RALYL: variants seen among roughly 807,000 people sequenced by gnomAD.
RALYL encodes RNA-binding Raly-like protein.
In RALYL, 29 loss-of-function variants were observed where a neutral mutation model predicts 35.1. The ratio of observed to expected loss-of-function variants is 0.83; its 90% CI spans 0.61 to 1.13. The LOEUF (loss-of-function observed/expected upper bound fraction) is 1.13. RALYL is among the 50% of genes most tolerant of loss of function. The pLI is 0.00. For synonymous variants in RALYL, 120 were observed against 127.6 expected (o/e 0.94, Z 0.40); for missense variants, 359 against 360.4 (o/e 1.00, Z 0.03).
At position 84,740,866 on chromosome 8, in the gene RALYL, T is replaced by C. The variant is rs185775929; in HGVS notation, c.257-33713T>C. 2.0e-3 allele frequency among the ~76,000 whole-genome samples: 311 copies of C among 152,080 alleles called. 1 individual carries two copies. The highest frequency in any genetic ancestry group is 7.2e-3 in the African/African-American group (301 of 41,522). On this transcript the variant is annotated intron_variant, in intron 2 of 8. Coordinates refer to ENST00000521268, the MANE Select transcript of RALYL (RefSeq NM_173848.7). ...TTCAGTGATGAAAAGTCCCTGGGAA[T>C]AGGTAATAAGAGGGTTGTGTTCTTA... is the stretch of plus-strand genomic sequence containing the variant.
chr8:84,681,796 T>C (rs1282964535), intron 2 of RALYL, among the ~76,000 whole-genome samples: 1 of 152,210 alleles, frequency 6.6e-6, no homozygotes, highest in South Asian at 2.1e-4. Flanking sequence ...CAGGGACAAT[T>C]TGACTTCCTC....
chr8:84,292,637 C>T (rs774581453), intron 1 of RALYL, among the ~76,000 whole-genome samples: 10 of 152,204 alleles, frequency 6.6e-5, no homozygotes, highest in Middle Eastern at 3.4e-3. Flanking sequence ...ACCAAACTGG[C>T]GACGAGAGTG....
At chr8:84,776,711 C>A (rs1281137341) in intron 3 of RALYL, among the ~76,000 whole-genome samples, 1 of 152,006 alleles carries the variant, frequency 6.6e-6, no homozygotes, top group Non-Finnish European at 1.5e-5. Context: ...TGTTAATTTT[C>A]ATATTTTCTC....
chr8:84,251,397 A>G (rs77931990), intron 1 of RALYL, among the ~76,000 whole-genome samples: 2,890 of 152,234 alleles, frequency 0.019, 42 homozygotes, highest in South Asian at 0.031. Context: ...CAAATAGTAA[A>G]TATGCTGACT....
At chr8:84,680,183 T>TC (rs1835117816) in intron 2 of RALYL, among the ~76,000 whole-genome samples, 3 of 152,166 alleles carry the variant, frequency 2.0e-5, no homozygotes, top group Admixed American at 2.0e-4. Flanking sequence ...CATGAACTCA[T>TC]CTTTTTTATG....
chr8:84,813,352 A>T (rs1469122252), intron 4 of RALYL, among the ~76,000 whole-genome samples: 1 of 152,016 alleles, frequency 6.6e-6, no homozygotes, highest in Non-Finnish European at 1.5e-5. Context: ...CTTGCAGTTG[A>T]TCTGGAGCTA....
chr8:84,279,073 G>A (rs746645926), intron 1 of RALYL, among the ~76,000 whole-genome samples: 1 of 152,132 alleles, frequency 6.6e-6, no homozygotes, highest in Non-Finnish European at 1.5e-5. Flanking sequence ...ACATGGCTGG[G>A]GATGGTGGAA....
chr8:84,571,105 C>T (rs1004133286), intron 2 of RALYL, among the ~76,000 whole-genome samples: 18 of 151,452 alleles, frequency 1.2e-4, no homozygotes, highest in African/African-American at 3.6e-4. Context: ...ATGTAGTTCT[C>T]TTTTTTGTCT....
chr8:84,449,087 T>G (rs919006578), intron 1 of RALYL, among the ~76,000 whole-genome samples: 4 of 151,588 alleles, frequency 2.6e-5, no homozygotes, highest in African/African-American at 9.7e-5. Context: ...TGTTTTTTTT[T>G]TTTTTTTGCT....
In RALYL at chr8:84,804,811, A is replaced by C; in HGVS notation, c.365+9A>C. On this transcript the variant is annotated intron_variant, in intron 4 of 8. Coordinates refer to ENST00000521268, the MANE Select transcript of RALYL (RefSeq NM_173848.7). ...CCTTTCCTGTCTGTTGGGTAAGTAT[A>C]TATTTAAATACTTTAAGTATTAATT... 9.1e-7 allele frequency: 1 copy of C among 1,093,228 alleles called. No individual in the cohort carries two copies. Among genetic ancestry groups the C allele is most frequent in the South Asian group, 2.5e-5 (1 of 39,842 alleles). The allele number at this position is 1,093,228 out of a possible 1,614,324, so 67.7% of individuals were successfully genotyped here.
At chr8:84,716,639 C>T (rs886728815) in intron 2 of RALYL, among the ~76,000 whole-genome samples, 2 of 152,124 alleles carry the variant, frequency 1.3e-5, no homozygotes, top group Non-Finnish European at 2.9e-5. Context: ...TGGGTCCAAA[C>T]TCTCCTAAAG....
At chr8:84,246,243 T>C (rs1829063734) in intron 1 of RALYL, among the ~76,000 whole-genome samples, 1 of 151,986 alleles carries the variant, frequency 6.6e-6, no homozygotes, top group African/African-American at 2.4e-5. Context: ...TTATTACTTT[T>C]CCCCCACTTT....
intron 1 of RALYL, among the ~76,000 whole-genome samples, chr8:84,419,899 T>C (rs1002783420): frequency 6.6e-6 from 1 of 151,896 alleles, no homozygotes. Flanking sequence ...GGCTGCATAG[T>C]ATTCCATGTT....
In RALYL at chr8:84,734,510, GC is replaced by G. The variant is rs1467093114; in HGVS notation, c.257-40068del. On this transcript the variant is annotated intron_variant, in intron 2 of 8. Coordinates refer to ENST00000521268, the MANE Select transcript of RALYL (RefSeq NM_173848.7). ...TTGGGTCTTGGAATGAAAATATCCA[GC>G]TTCCAGAGCAAAAAATTTTCAGTCA... Among the ~76,000 whole-genome samples the G allele has an allele frequency of 2.6e-5, 4 of 152,128 alleles. No individual in the cohort carries two copies. The East Asian group carries it at 7.7e-4, about 29-fold the overall frequency.
At chr8:84,425,530 G>A (rs746040442) in intron 1 of RALYL, among the ~76,000 whole-genome samples, 1 of 152,224 alleles carries the variant, frequency 6.6e-6, no homozygotes, top group East Asian at 1.9e-4. Context: ...CACGCTGGGA[G>A]CTGTAGACTG....
intron 1 of RALYL, among the ~76,000 whole-genome samples, chr8:84,301,514 T>C (rs1370371683): frequency 6.6e-6 from 1 of 152,086 alleles, no homozygotes; most frequent in Non-Finnish European, 1.5e-5. Context: ...TTTCTTACTT[T>C]TAACGATAGT....
intron 2 of RALYL, among the ~76,000 whole-genome samples, chr8:84,667,753 T>TA (rs1256418687): frequency 6.6e-6 from 1 of 152,064 alleles, no homozygotes; most frequent in Non-Finnish European, 1.5e-5. Context: ...TTGTTTCTGG[T>TA]ATGATAAAAT....
At chr8:84,737,584 T>C (rs1339043969) in intron 2 of RALYL, among the ~76,000 whole-genome samples, 3 of 152,014 alleles carry the variant, frequency 2.0e-5, no homozygotes, top group Non-Finnish European at 2.9e-5. Flanking sequence ...TAAATCTAGT[T>C]TATCAAAATC....
chr8:84,677,029 C>T (rs1378737790), intron 2 of RALYL, among the ~76,000 whole-genome samples: 1 of 151,990 alleles, frequency 6.6e-6, no homozygotes, highest in Admixed American at 6.6e-5. Flanking sequence ...CTCGAACTCC[C>T]AACCTCATGA....
Sources: allele counts gnomAD v4.1 joint callset (sites outside exome capture counted in the v4.1 genomes callset), GRCh38; gene constraint gnomAD v4.1.1; transcripts MANE v1.5; gene names NCBI Gene and HGNC (gene_info 2026-07-23, HGNC 2026-07-21).